The following TICRR variants were observed in gnomAD, a reference collection of about 807,000 sequenced individuals.
TICRR encodes the protein TOPBP1 interacting checkpoint and replication regulator.
Under a neutral mutation model 178.1 loss-of-function variants are expected in TICRR, and 132 were observed. The ratio of observed to expected loss-of-function variants is 0.74; its 90% CI spans 0.64 to 0.86. The LOEUF (loss-of-function observed/expected upper bound fraction) is 0.86, where lower values mean the gene tolerates loss of function less well. Among genes scored for constraint, TICRR ranks in the 40% least tolerant of loss-of-function variants. The pLI is 0.00. For missense variants in TICRR, 2,587 were observed against 2,334.3 expected (o/e 1.11, Z -2.23); for synonymous variants, 991 against 900.7 (o/e 1.10, Z -1.79).
Position 89,608,911 on chromosome 15 carries a change from G to C in TICRR, c.2831G>C (p.Gly944Ala), listed in dbSNP as rs753276367. 3 of 1,605,906 alleles carry C rather than the reference G, an allele frequency of 1.9e-6. No homozygotes were observed. The South Asian group carries it at 3.4e-5, about 18-fold the overall frequency. Residue 944 changes from glycine (G) to alanine (A), a missense_variant, in exon 15 of 22, where the codon GGT (glycine) becomes GCT (alanine). Transcript: ENST00000268138. ...AGCCATTCTGTGTCAGCTGTGGATG[G>C]TCTAGAGGATAAACTTGACAACTTC... ...PRSHSVSAVD[G>A]LEDKLDNFKK...
In TICRR at chr15:89,575,866, G is replaced by A. The variant is rs1366214947; in HGVS notation, c.280G>A (p.Ala94Thr). The A allele has an allele frequency of 1.3e-6, 2 of 1,585,636 alleles. No individual in the cohort carries two copies. Among genetic ancestry groups the A allele is most frequent in the Middle Eastern group, 1.7e-4 (1 of 5,954 alleles). ...GGATCGCGCCCACCTGCCCGGCCCG[G>A]CGCCCAGGGCCACCCACACGCACGG... ...LEDRAHLPGP[A>T]PRATHTHGAL... Residue 94 changes from alanine to threonine, a missense_variant, in exon 1 of 22, where the codon GCG becomes ACG. Coordinates refer to ENST00000268138, the MANE Select transcript of TICRR (RefSeq NM_152259.4).
rs563445652 is a variant in TICRR, at chr15:89,624,355, G to A, written c.4045G>A (p.Val1349Ile). 46 of 1,614,114 alleles carry A rather than the reference G, an allele frequency of 2.8e-5. No homozygotes were observed. In the Middle Eastern group the frequency reaches 8.2e-4, roughly 29 times the overall value. Residue 1349 changes from valine (V) to isoleucine (I), a missense_variant, in exon 20 of 22, where the codon GTA (valine) becomes ATA (isoleucine). Transcript: ENST00000268138. ...DQKEPQMSPS[V>I]AASLSCPVPS... ...GAAAGAGCCCCAGATGTCACCCAGCGTAGCTGCATCTCTCTCCTGCCCTGT... is the reference window on the plus strand; with the variant it reads ...GAAAGAGCCCCAGATGTCACCCAGCATAGCTGCATCTCTCTCCTGCCCTGT...
At chr15:89,599,292 G>T in intron 7 of TICRR, 32 bp from the exon 8 acceptor site, 1 of 1,555,724 alleles carries the variant, frequency 6.4e-7, no homozygotes, top group South Asian at 1.2e-5. Context: ...AGCAAGATAT[G>T]ATTAATCCAT....
intron 4 of TICRR, among the ~76,000 whole-genome samples, chr15:89,586,696 A>C (rs1596041021): frequency 6.6e-6 from 1 of 152,298 alleles, no homozygotes; most frequent in Non-Finnish European, 1.5e-5. Flanking sequence ...GGCATGAAGG[A>C]AGTGATGGCA....
chr15:89,601,260 T>A, intron 9 of TICRR, 38 bp from the exon 10 acceptor site: 3 of 1,588,144 alleles, frequency 1.9e-6, no homozygotes, highest in Non-Finnish European at 2.6e-6. Context: ...TTTAGTGACA[T>A]CCAAAGTAGA....
At chr15:89,582,567 G>C in intron 1 of TICRR, 119 bp from the exon 2 acceptor site, 1 of 898,688 alleles carries the variant, frequency 1.1e-6, no homozygotes, top group East Asian at 2.5e-5. Flanking sequence ...CAAATACATT[G>C]GTTGTGTAAT....
intron 7 of TICRR, 32 bp from the exon 8 acceptor site, chr15:89,599,292 G>A: frequency 6.4e-7 from 1 of 1,555,724 alleles, no homozygotes. Flanking sequence ...AGCAAGATAT[G>A]ATTAATCCAT....
Position 89,627,225 on chromosome 15 carries a change from A to T in TICRR, c.*139A>T. The stretch of plus-strand genomic sequence containing the variant: ...CATTAGAATGCCTTAGGGTTTTCTA[A>T]TTCCCCTTATGGATCCAATCCATCT... On this transcript the variant is annotated 3_prime_UTR_variant, in exon 22 of 22. Coordinates refer to ENST00000268138, the MANE Select transcript of TICRR (RefSeq NM_152259.4). 3.9e-6 allele frequency: 4 copies of T among 1,029,558 alleles called. No homozygotes were observed. The South Asian group carries it at 6.6e-5, about 17-fold the overall frequency. The allele number at this position is 1,029,558 out of a possible 1,614,324, so 63.8% of individuals were successfully genotyped here.
intron 14 of TICRR, 45 bp from the exon 15 acceptor site, chr15:89,608,758 T>C (rs1963209522): frequency 1.3e-6 from 2 of 1,517,828 alleles, no homozygotes; most frequent in South Asian, 1.3e-5. Context: ...TTATTGATGA[T>C]AATCTTTGGG....
At chr15:89,626,161 C>A in intron 21 of TICRR, 100 bp downstream of exon 21, 1 of 1,442,712 alleles carries the variant, frequency 6.9e-7, no homozygotes, top group Non-Finnish European at 9.4e-7. Flanking sequence ...CCAGGGAGTG[C>A]CAAGTGTGGG....
chr15:89,595,569 T>C lies in TICRR; in HGVS notation c.1858T>C (p.Leu620=). Residue 620 remains leucine (L), a synonymous_variant, in exon 7 of 22, where the codon TTG becomes CTG. Coordinates refer to ENST00000268138, the MANE Select transcript of TICRR (RefSeq NM_152259.4). ...ACCTAGTGGGAGAACAGTGGATAAA[T>C]TGGAAGACAGAGGAAGAACACTAAG... is the stretch of plus-strand genomic sequence containing the variant. ...KIPSGRTVDK[L]EDRGRTLRSS... is the part of the protein sequence containing the mutation. The C allele has an allele frequency of 1.9e-6, 3 of 1,614,086 alleles. No individual in the cohort carries two copies. Among genetic ancestry groups the C allele is most frequent in the Non-Finnish European group, 8.5e-7 (1 of 1,179,998 alleles).
Position 89,599,345 on chromosome 15 carries a change from T to C in TICRR, c.1922T>C (p.Leu641Pro). 24 of 1,606,524 alleles carry C rather than the reference T, an allele frequency of 1.5e-5. No individual in the cohort carries two copies. Among genetic ancestry groups the C allele is most frequent in the Non-Finnish European group, 2.0e-5 (24 of 1,177,798 alleles). ...TCAGATTTTAAAACTGAGGAAGAGCTGCTATCATATATACGTGAAAATTAC... is the reference window on the plus strand; with the variant it reads ...TCAGATTTTAAAACTGAGGAAGAGCCGCTATCATATATACGTGAAAATTAC... ...KPKDFKTEEELLSYIRENYQK... is the reference protein window; with the variant it reads ...KPKDFKTEEEPLSYIRENYQK... The change falls in exon 8 of 22, where the codon CTG becomes CCG. Residue 641 changes from leucine (L) to proline (P), a missense_variant. Leu to Pro is a moderately conservative substitution (Grantham distance 98). Coordinates refer to ENST00000268138, the MANE Select transcript of TICRR (RefSeq NM_152259.4).
intron 4 of TICRR, among the ~76,000 whole-genome samples, chr15:89,590,715 G>T (rs1962897023): frequency 6.6e-6 from 1 of 152,180 alleles, no homozygotes; most frequent in South Asian, 2.1e-4. Flanking sequence ...GTATCTCCAT[G>T]ACTTCACAAG....
At chr15:89,616,265 G>C (rs1963333836) in intron 15 of TICRR, 140 bp from the exon 16 acceptor site, 4 of 653,460 alleles carry the variant, frequency 6.1e-6, no homozygotes, top group Non-Finnish European at 1.1e-5. Flanking sequence ...TGTAACCATA[G>C]AACTTAGCCC....
rs1384661885 is a variant in TICRR at position 89,575,695 on chromosome 15, C to T, written c.109C>T (p.Arg37Ter). 6.2e-7 allele frequency: 1 copy of T among 1,605,616 alleles called. No individual in the cohort carries two copies. Among genetic ancestry groups the T allele is most frequent in the African/African-American group, 1.3e-5 (1 of 74,934 alleles). The change falls in exon 1 of 22, where the codon CGA (arginine) becomes TGA (stop). Residue 37 changes from arginine to a stop codon, truncating the protein, a stop_gained. Coordinates refer to ENST00000268138, the MANE Select transcript of TICRR (RefSeq NM_152259.4). LOFTEE classifies it high-confidence loss of function. ...ALRLLTYLSC[R>*]FGLARVHWAF... ...GCGCCTCCTCACCTATCTGAGTTGC[C>T]GATTCGGCCTGGCCAGGGTCCACTG...
At chr15:89,596,016 T>C (rs1317160381) in intron 7 of TICRR, among the ~76,000 whole-genome samples, 3 of 151,880 alleles carry the variant, frequency 2.0e-5, no homozygotes, top group African/African-American at 7.3e-5. Flanking sequence ...GTGTGTGAAA[T>C]GTGCTTGATA....
chr15:89,620,786 A>G (rs1377084753), intron 18 of TICRR, among the ~76,000 whole-genome samples: 1 of 151,928 alleles, frequency 6.6e-6, no homozygotes, highest in Non-Finnish European at 1.5e-5. Context: ...GCAGTGGCGC[A>G]ATCTTGGCTC....
chr15:89,589,064 C>T (rs903785042), intron 4 of TICRR, among the ~76,000 whole-genome samples: 4 of 151,906 alleles, frequency 2.6e-5, no homozygotes, highest in Non-Finnish European at 4.4e-5. Context: ...GAATTGAGGA[C>T]ATAGGGGATT....
At chr15:89,586,877 C>T (rs1962832581) in intron 4 of TICRR, among the ~76,000 whole-genome samples, 2 of 152,136 alleles carry the variant, frequency 1.3e-5, no homozygotes, top group Admixed American at 6.6e-5. Flanking sequence ...ACTGAAAAGA[C>T]TTTGGCTTTT....
Sources: allele counts gnomAD v4.1 joint callset (sites outside exome capture counted in the v4.1 genomes callset), GRCh38; gene constraint gnomAD v4.1.1; transcripts MANE v1.5; gene names NCBI Gene and HGNC (gene_info 2026-07-23, HGNC 2026-07-21).